Variants in EPS8 observed in about 807,000 individuals in gnomAD.
EPS8 encodes the protein epidermal growth factor receptor kinase substrate 8.
EPS8 carries 42 observed loss-of-function variants against 103.8 expected under a neutral mutation model. The observed-to-expected ratio is 0.40, with a 90% CI of 0.32 to 0.52. The LOEUF (loss-of-function observed/expected upper bound fraction) is 0.52. Ranked by LOEUF, EPS8 falls within the 20% of genes least tolerant of loss-of-function variation. The probability of loss-of-function intolerance (pLI) is 0.40; values close to 1 mark genes in which losing one functional copy is unlikely to be tolerated. For missense variants in EPS8, 969 were observed against 1,005.1 expected, an observed-to-expected ratio of 0.96 and a Z score of 0.49; for synonymous variants, 344 against 344.6, an observed-to-expected ratio of 1.00 and a Z score of 0.02.
In EPS8 at chr12:15,716,769, T is replaced by G. The variant is rs932574260; in HGVS notation, c.-21-33797A>C. On this transcript the variant is annotated intron_variant, in intron 1 of 20. Transcript: ENST00000281172. The surrounding 1 kb of genome is among the most constrained non-coding windows in gnomAD (Gnocchi z 5.0). ...CCAAAATGATGTGAGGTCACTTACA[T>G]AAATTGTTAGGACAACCAAGCAGAA... Among the ~76,000 whole-genome samples the G allele has an allele frequency of 6.6e-6, 1 of 152,208 alleles. No homozygotes were observed. Among genetic ancestry groups the G allele is most frequent in the African/African-American group, 2.4e-5 (1 of 41,456 alleles).
chr12:15,775,876 C>G (rs1220748983), intron 1 of EPS8, among the ~76,000 whole-genome samples: 1 of 152,030 alleles, frequency 6.6e-6, no homozygotes. Flanking sequence ...GTTGTATATT[C>G]CAGGACTGTT....
chr12:15,785,900 T>C lies in EPS8; in HGVS notation c.-22+3261A>G, dbSNP rs1220405272. On this transcript the variant is annotated intron_variant, in intron 1 of 20. Transcript: ENST00000281172. This position sits in a 1 kb window ranked among gnomAD's most constrained non-coding sequence, Gnocchi z 4.9. ...TTATAACCCAAAATATTTAGATAGATAGATAGATTTTATATTTATATAATA... is the reference window on the plus strand; with the variant it reads ...TTATAACCCAAAATATTTAGATAGACAGATAGATTTTATATTTATATAATA... Among the ~76,000 whole-genome samples the C allele has an allele frequency of 6.6e-6, 1 of 151,682 alleles. No individual in the cohort carries two copies. Among genetic ancestry groups the C allele is most frequent in the African/African-American group, 2.4e-5 (1 of 41,346 alleles).
chr12:15,685,236 A>C (rs1946075144), intron 1 of EPS8, among the ~76,000 whole-genome samples: 4 of 152,208 alleles, frequency 2.6e-5, no homozygotes, highest in Admixed American at 2.6e-4. Flanking sequence ...TAGGAAAGTC[A>C]ATTAAGCCTC....
chr12:15,650,896 T>C lies in EPS8; in HGVS notation c.1361A>G (p.Tyr454Cys), dbSNP rs774011290. The change falls in exon 14 of 21, where the codon TAT becomes TGT. Residue 454 changes from tyrosine (Y) to cysteine (C), a missense_variant. Transcript: ENST00000281172. ...ATTTGCCACAGATTCTGCCAGTTGATAAAGATCTTGTTCCATTGTGGCTCC... is the reference window on the plus strand; with the variant it reads ...ATTTGCCACAGATTCTGCCAGTTGACAAAGATCTTGTTCCATTGTGGCTCC... ...FMGATMEQDL[Y>C]QLAESVANVA... The C allele has an allele frequency of 2.1e-5, 34 of 1,614,026 alleles. No individual in the cohort carries two copies. Among genetic ancestry groups the C allele is most frequent in the Non-Finnish European group, 2.8e-5 (33 of 1,180,000 alleles).
At position 15,675,097 on chromosome 12, in the gene EPS8, G is replaced by A. The variant is rs190093525; in HGVS notation, c.137-4174C>T. Among the ~76,000 whole-genome samples, 401 of 152,256 alleles carry A rather than the reference G, an allele frequency of 2.6e-3. 1 individual carries two copies. Among genetic ancestry groups the A allele is most frequent in the Middle Eastern group, 0.01 (3 of 294 alleles). The stretch of plus-strand genomic sequence containing the variant: ...ATGGATATGTGTTAAGAAAAATTCA[G>A]GAACACTGCTACAAAAGAGTTGAAT... On this transcript the variant is annotated intron_variant, in intron 3 of 20. Coordinates refer to ENST00000281172, the MANE Select transcript of EPS8 (RefSeq NM_004447.6).
At chr12:15,635,270 A>G (rs1945114649) in intron 17 of EPS8, among the ~76,000 whole-genome samples, 1 of 152,182 alleles carries the variant, frequency 6.6e-6, no homozygotes, top group Admixed American at 6.5e-5. Context: ...AATACTTTAT[A>G]TATGTATAAA....
chr12:15,667,077 C>T (rs1231463566), intron 6 of EPS8, among the ~76,000 whole-genome samples: 2 of 152,154 alleles, frequency 1.3e-5, no homozygotes, highest in Non-Finnish European at 2.9e-5. Context: ...TTTTCCAGAA[C>T]ATTCAGTTAG....
rs1946120857 is a variant in EPS8, at chr12:15,688,163, C to A, written c.-21-5191G>T. ...ACACAAAGGAGAAAGGGAAAGAAAA[C>A]ATTTAATGAGCCCCCAGTTCATAAG... On this transcript the variant is annotated intron_variant, in intron 1 of 20. Coordinates refer to ENST00000281172, the MANE Select transcript of EPS8 (RefSeq NM_004447.6). The surrounding 1 kb of genome is among the most constrained non-coding windows in gnomAD (Gnocchi z 5.1). Among the ~76,000 whole-genome samples, 1 of 152,132 alleles carries A rather than the reference C, an allele frequency of 6.6e-6. No homozygotes were observed. The highest frequency in any genetic ancestry group is 1.5e-5 in the Non-Finnish European group (1 of 68,004).
intron 1 of EPS8, among the ~76,000 whole-genome samples, chr12:15,724,504 T>G (rs184570848): frequency 2.0e-4 from 31 of 152,334 alleles, no homozygotes; most frequent in Admixed American, 1.1e-3. Flanking sequence ...GGAGACTGTT[T>G]ACAGACATCT....
rs1040367915 is a variant in EPS8, at chr12:15,734,657, GTAC to G, written c.-21-51688_-21-51686del. On this transcript the variant is annotated intron_variant, in intron 1 of 20. Coordinates refer to ENST00000281172, the MANE Select transcript of EPS8 (RefSeq NM_004447.6). This position sits in a 1 kb window ranked among gnomAD's most constrained non-coding sequence, Gnocchi z 4.1. ...TGCAGTGAGCCGAGATCGCGCCACT[GTAC>G]TCCAGCCTGGGCGACAGAGCGAGAC... Among the ~76,000 whole-genome samples the G allele has an allele frequency of 1.3e-5, 2 of 152,062 alleles. No homozygotes were observed. The highest frequency in any genetic ancestry group is 2.9e-5 in the Non-Finnish European group (2 of 68,018).
In EPS8 at chr12:15,735,119, G is replaced by T. The variant is rs562142607; in HGVS notation, c.-21-52147C>A. 6.6e-6 allele frequency among the ~76,000 whole-genome samples: 1 copy of T among 152,108 alleles called. No homozygotes were observed. The highest frequency in any genetic ancestry group is 2.4e-5 in the African/African-American group (1 of 41,422). ...ACATGCAAATGACAAAGTTTCCAAA[G>T]AAACAGTAGACTGATTTAAGTATAC... On this transcript the variant is annotated intron_variant, in intron 1 of 20. Transcript: ENST00000281172. This position sits in a 1 kb window ranked among gnomAD's most constrained non-coding sequence, Gnocchi z 4.4.
chr12:15,629,282 T>C (rs577839355), intron 18 of EPS8, among the ~76,000 whole-genome samples: 1 of 152,328 alleles, frequency 6.6e-6, no homozygotes, highest in Admixed American at 6.5e-5. Context: ...CAGACTGTCC[T>C]AACCCACACA....
rs553476456 is a variant in EPS8 at position 15,700,151 on chromosome 12, T to C, written c.-21-17179A>G. ...GCCTGGGGGACAGAATGAGACTCCA[T>C]CTCAAAAACAACAACAACAAAAAAA... On this transcript the variant is annotated intron_variant, in intron 1 of 20. Transcript: ENST00000281172. This position sits in a 1 kb window ranked among gnomAD's most constrained non-coding sequence, Gnocchi z 5.1. 5.3e-5 allele frequency among the ~76,000 whole-genome samples: 8 copies of C among 152,224 alleles called. No homozygotes were observed. The highest frequency in any genetic ancestry group is 1.9e-4 in the African/African-American group (8 of 41,538).
chr12:15,776,343 C>T lies in EPS8; in HGVS notation c.-22+12818G>A, dbSNP rs1199027282. On this transcript the variant is annotated intron_variant, in intron 1 of 20. Transcript: ENST00000281172. The surrounding 1 kb of genome is among the most constrained non-coding windows in gnomAD (Gnocchi z 4.2). Reference sequence around the variant, plus strand: ...AAGTTAAGCCATGTTCTCAAGTCAGCCCCTGCAAAGGAGCAATCCGGTACT... The same window carrying T: ...AAGTTAAGCCATGTTCTCAAGTCAGTCCCTGCAAAGGAGCAATCCGGTACT... 6.6e-6 allele frequency among the ~76,000 whole-genome samples: 1 copy of T among 152,144 alleles called. No homozygotes were observed. The highest frequency in any genetic ancestry group is 2.4e-5 in the African/African-American group (1 of 41,422).
intron 15 of EPS8, among the ~76,000 whole-genome samples, chr12:15,643,720 CA>C (rs1945270730): frequency 9.4e-6 from 1 of 106,720 alleles, no homozygotes; most frequent in Non-Finnish European, 1.7e-5. Context: ...GCCTGGGCGA[CA>C]AGAGCAAAAC....
intron 19 of EPS8, among the ~76,000 whole-genome samples, chr12:15,623,679 T>C (rs936939006): frequency 6.6e-6 from 1 of 152,234 alleles, no homozygotes; most frequent in South Asian, 2.1e-4. Flanking sequence ...CCCTTGAATA[T>C]GTATTATTCT....
rs897414029 is a variant in EPS8, at chr12:15,631,062, TA to T, written c.2044+379del. ...TCTCATTAAATCCTCACACTTATCC[TA>T]TGAAGCAGATACTATTATTTTTCTC... On this transcript the variant is annotated intron_variant, in intron 18 of 20. Transcript: ENST00000281172. 9.5e-4 allele frequency among the ~76,000 whole-genome samples: 145 copies of T among 152,182 alleles called. 10 individuals are homozygous for T. The highest frequency in any genetic ancestry group is 7.3e-5 in the Non-Finnish European group (5 of 68,036).
rs1946255741 is a variant in EPS8 at position 15,697,284 on chromosome 12, C to T, written c.-21-14312G>A. Reference sequence around the variant, plus strand: ...GGATATCACTTACATGGCATAACTGCTGTCCCCCATTCTAAGCCAAATGGT... The same window carrying T: ...GGATATCACTTACATGGCATAACTGTTGTCCCCCATTCTAAGCCAAATGGT... On this transcript the variant is annotated intron_variant, in intron 1 of 20. Coordinates refer to ENST00000281172, the MANE Select transcript of EPS8 (RefSeq NM_004447.6). This position sits in a 1 kb window ranked among gnomAD's most constrained non-coding sequence, Gnocchi z 5.6. Among the ~76,000 whole-genome samples, 1 of 152,262 alleles carries T rather than the reference C, an allele frequency of 6.6e-6. No homozygotes were observed. The highest frequency in any genetic ancestry group is 1.5e-5 in the Non-Finnish European group (1 of 68,048).
chr12:15,678,403 T>A (rs1353256050), intron 3 of EPS8, among the ~76,000 whole-genome samples: 4 of 152,092 alleles, frequency 2.6e-5, no homozygotes, highest in Admixed American at 6.6e-5. Flanking sequence ...ATCTTACTTC[T>A]AAGCCCAATC....
Sources: gnomAD v4.1 joint callset for allele counts (sites outside exome capture counted in the v4.1 genomes callset) on GRCh38, gnomAD v4.1.1 for gene constraint, Gnocchi (gnomAD v3.1) non-coding constraint, MANE v1.5 for transcripts, NCBI Gene and HGNC (gene_info 2026-07-23, HGNC 2026-07-21) for gene names.